The following DLGAP2 variants were observed in gnomAD, a reference collection of about 807,000 sequenced individuals.
DLGAP2 encodes the protein DLG associated protein 2.
In DLGAP2, 26 loss-of-function variants were observed where a neutral mutation model predicts 100.3. That is an observed-to-expected ratio of 0.26 (90% CI 0.19 to 0.36). The LOEUF is 0.36. Ranked by LOEUF, DLGAP2 falls within the 10% of genes least tolerant of loss-of-function variation. The pLI is 1.00. For synonymous variants in DLGAP2, 886 were observed against 630.1 expected (o/e 1.41, Z -6.08); for missense variants, 1,858 against 1,453.2 (o/e 1.28, Z -4.53).
intron 11 of DLGAP2, 92 bp from the exon 12 acceptor site, chr8:1,678,122 C>G (rs1035445826): frequency 6.9e-7 from 1 of 1,444,230 alleles, no homozygotes; most frequent in Non-Finnish European, 9.3e-7. Flanking sequence ...CTGTTGAGCT[C>G]AGGTGCGCTC....
intron 3 of DLGAP2, among the ~76,000 whole-genome samples, chr8:1,306,886 A>G (rs1216135589): frequency 6.6e-6 from 1 of 152,186 alleles, no homozygotes; most frequent in Non-Finnish European, 1.5e-5. Context: ...ACCACATATA[A>G]ACAATACTCA....
chr8:1,240,648 C>G (rs1245763631), intron 2 of DLGAP2, among the ~76,000 whole-genome samples: 2 of 150,878 alleles, frequency 1.3e-5, no homozygotes, highest in East Asian at 3.9e-4. Flanking sequence ...AGTTCTCTCT[C>G]ACACAGAGCA....
chr8:1,545,466 C>G (rs983310794), intron 4 of DLGAP2, among the ~76,000 whole-genome samples: 1 of 152,162 alleles, frequency 6.6e-6, no homozygotes, highest in African/African-American at 2.4e-5. Flanking sequence ...TTGCTGTTTT[C>G]TCTCAATGAC....
chr8:831,727 A>C (rs573929970), intron 1 of DLGAP2, among the ~76,000 whole-genome samples: 1 of 152,184 alleles, frequency 6.6e-6, no homozygotes, highest in Non-Finnish European at 1.5e-5. Context: ...TTGGGTATAT[A>C]CCCAGTAATT....
At chr8:1,193,527 C>T (rs183638205) in intron 2 of DLGAP2, among the ~76,000 whole-genome samples, 23 of 152,298 alleles carry the variant, frequency 1.5e-4, no homozygotes, top group Non-Finnish European at 2.8e-4. Flanking sequence ...GGCTCATTCA[C>T]GCTGAAATCC....
chr8:1,085,824 T>C (rs531424715), intron 2 of DLGAP2, among the ~76,000 whole-genome samples: 2 of 152,360 alleles, frequency 1.3e-5, no homozygotes, highest in African/African-American at 4.8e-5. Flanking sequence ...GGTGTTTTAA[T>C]AGTGCTTGTA....
intron 6 of DLGAP2, among the ~76,000 whole-genome samples, chr8:1,583,688 C>T (rs1442047011): frequency 6.6e-6 from 1 of 152,166 alleles, no homozygotes; most frequent in Non-Finnish European, 1.5e-5. Flanking sequence ...TCTGGGCTCT[C>T]ACAGCTTCCT....
intron 1 of DLGAP2, among the ~76,000 whole-genome samples, chr8:812,895 G>A (rs934112484): frequency 2.6e-5 from 4 of 152,124 alleles, no homozygotes; most frequent in African/African-American, 7.2e-5. Flanking sequence ...AAGTATTTAG[G>A]TATTGATTAG....
intron 2 of DLGAP2, among the ~76,000 whole-genome samples, chr8:971,558 A>G (rs77059790): frequency 0.015 from 2,347 of 152,308 alleles, 74 homozygotes; most frequent in African/African-American, 0.054. Flanking sequence ...GATTCTAAGC[A>G]TGGACTTGCT....
intron 7 of DLGAP2, among the ~76,000 whole-genome samples, chr8:1,628,170 C>T (rs560930102): frequency 1.1e-4 from 13 of 115,122 alleles, no homozygotes; most frequent in African/African-American, 5.1e-4. Context: ...GCTGACCTCA[C>T]ATTCTCTCTG....
intron 5 of DLGAP2, among the ~76,000 whole-genome samples, chr8:1,559,601 T>G (rs2956899): frequency 0.46 from 69,388 of 152,052 alleles, 15,964 homozygotes; most frequent in Middle Eastern, 0.57. Context: ...GTTAGTTAAT[T>G]TGCAGGCTGC....
At chr8:783,682 G>A (rs1452798564) in intron 1 of DLGAP2, among the ~76,000 whole-genome samples, 3 of 152,088 alleles carry the variant, frequency 2.0e-5, no homozygotes, top group South Asian at 4.1e-4. Flanking sequence ...ATGCTTCTGC[G>A]TCTTTGCCTA....
chr8:1,037,759 T>C (rs1284449223), intron 2 of DLGAP2, among the ~76,000 whole-genome samples: 1 of 152,166 alleles, frequency 6.6e-6, no homozygotes, highest in African/African-American at 2.4e-5. Context: ...CGTTAAAATA[T>C]CCAAGCAGGC....
chr8:1,188,377 A>T (rs1289279040), intron 2 of DLGAP2, among the ~76,000 whole-genome samples: 1 of 136,862 alleles, frequency 7.3e-6, no homozygotes, highest in Non-Finnish European at 1.5e-5. Flanking sequence ...GCCTCACGGA[A>T]TCTCACACAC....
chr8:852,012 C>T (rs1030846252), intron 1 of DLGAP2, among the ~76,000 whole-genome samples: 1 of 152,326 alleles, frequency 6.6e-6, no homozygotes, highest in East Asian at 1.9e-4. Flanking sequence ...GGACTCAGCC[C>T]CTAAACCCAA....
chr8:1,136,666 A>G (rs1005131763), intron 2 of DLGAP2, among the ~76,000 whole-genome samples: 2 of 152,168 alleles, frequency 1.3e-5, no homozygotes, highest in African/African-American at 2.4e-5. Flanking sequence ...TATGCTCTTC[A>G]AATTGAATGT....
chr8:1,670,420 CA>C (rs1798661546), intron 10 of DLGAP2, among the ~76,000 whole-genome samples: 1 of 152,222 alleles, frequency 6.6e-6, no homozygotes, highest in African/African-American at 2.4e-5. Context: ...CTCATCCCCC[CA>C]GCTTCCCCTG....
At chr8:898,629 G>A (rs1346603440) in intron 1 of DLGAP2, among the ~76,000 whole-genome samples, 1 of 151,034 alleles carries the variant, frequency 6.6e-6, no homozygotes, top group Non-Finnish European at 1.5e-5. Flanking sequence ...CGTGCTTCCA[G>A]CCCCTGCAGC....
In DLGAP2 at chr8:1,701,362, G is replaced by C. The variant is rs770953630; in HGVS notation, c.3124G>C (p.Asp1042His). 1 of 1,598,214 alleles carries C rather than the reference G, an allele frequency of 6.3e-7. No individual in the cohort carries two copies. Among genetic ancestry groups the C allele is most frequent in the Non-Finnish European group, 8.5e-7 (1 of 1,173,144 alleles). The change falls in exon 15 of 15, where the codon GAC (aspartate) becomes CAC (histidine). Residue 1042 changes from aspartate (D) to histidine (H), a missense_variant. By Grantham distance (81) the Asp-to-His change is moderately conservative. Transcript: ENST00000637795. The stretch of plus-strand genomic sequence containing the variant: ...GCAGAATTCCGCCTCCGAGCGCGCG[G>C]ACAGCATCGAGATCTACATCCCCGA... Reference protein sequence around the residue: ...FRQNSASERADSIEIYIPEAQ... With the variant: ...FRQNSASERAHSIEIYIPEAQ...
Sources: gnomAD v4.1 joint callset for allele counts (sites outside exome capture counted in the v4.1 genomes callset) on GRCh38, gnomAD v4.1.1 for gene constraint, MANE v1.5 for transcripts, NCBI Gene and HGNC (gene_info 2026-07-23, HGNC 2026-07-21) for gene names.